PPARG: variants seen among roughly 807,000 people sequenced by gnomAD.
PPARG encodes peroxisome proliferator activated receptor gamma.
In PPARG, 17 loss-of-function variants were observed where a neutral mutation model predicts 39.2. That is an observed-to-expected ratio of 0.43 (90% CI 0.30 to 0.65). The LOEUF (loss-of-function observed/expected upper bound fraction) is 0.65. Ranked by LOEUF, PPARG falls within the 30% of genes least tolerant of loss-of-function variation. PPARG has a pLI of 0.13. For missense variants in PPARG, 406 were observed against 585.9 expected (o/e 0.69, Z 3.17); for synonymous variants, 223 against 215.7 (o/e 1.03, Z -0.30).
intron 1 of PPARG, among the ~76,000 whole-genome samples, chr3:12,289,368 T>C (rs2046591896): frequency 6.6e-6 from 1 of 152,202 alleles, no homozygotes; most frequent in Admixed American, 6.5e-5. Context: ...TTTTTCTTCT[T>C]TTCCTTGCAA....
intron 6 of PPARG, among the ~76,000 whole-genome samples, chr3:12,407,095 C>A (rs1191498155): frequency 6.6e-6 from 1 of 152,186 alleles, no homozygotes; most frequent in Admixed American, 6.5e-5. Context: ...TACCTGAATT[C>A]TAGTCCCAAT....
chr3:12,362,143 G>C (rs932811412), intron 2 of PPARG, among the ~76,000 whole-genome samples: 1 of 151,884 alleles, frequency 6.6e-6, no homozygotes, highest in Admixed American at 6.6e-5. Flanking sequence ...AAATATAATT[G>C]GTTTTTGAAT....
intron 6 of PPARG, among the ~76,000 whole-genome samples, chr3:12,411,311 A>G (rs2050872314): frequency 6.6e-6 from 1 of 152,078 alleles, no homozygotes; most frequent in African/African-American, 2.4e-5. Context: ...GTGCTAGTTC[A>G]TTAGCATGTG....
At chr3:12,375,673 G>A (rs113349134) in intron 2 of PPARG, among the ~76,000 whole-genome samples, 4 of 152,158 alleles carry the variant, frequency 2.6e-5, no homozygotes, top group African/African-American at 2.4e-5. Flanking sequence ...AGGTTTGGAC[G>A]AATTTTGAAA....
chr3:12,375,435 T>C (rs2049372884), intron 2 of PPARG, among the ~76,000 whole-genome samples: 5 of 152,240 alleles, frequency 3.3e-5, no homozygotes. Flanking sequence ...TACAAAAGCA[T>C]ATCCACTACC....
intron 5 of PPARG, 117 bp from the exon 6 acceptor site, chr3:12,405,765 A>G: frequency 9.9e-7 from 1 of 1,015,120 alleles, no homozygotes; most frequent in South Asian, 1.3e-5. Flanking sequence ...ACCAGGACTC[A>G]AGAGCAGTGG....
intron 5 of PPARG, among the ~76,000 whole-genome samples, chr3:12,394,425 C>G (rs1423587060): frequency 6.6e-6 from 1 of 152,076 alleles, no homozygotes; most frequent in Non-Finnish European, 1.5e-5. Context: ...TATTTAAACC[C>G]CAACCTATGT....
At chr3:12,405,505 C>CT (rs772027688) in intron 5 of PPARG, among the ~76,000 whole-genome samples, 1 of 152,138 alleles carries the variant, frequency 6.6e-6, no homozygotes, top group Non-Finnish European at 1.5e-5. Context: ...AGTGCCTGAC[C>CT]TTAGGTCAAG....
intron 2 of PPARG, among the ~76,000 whole-genome samples, chr3:12,323,162 A>T (rs1326814722): frequency 6.6e-6 from 1 of 152,194 alleles, no homozygotes; most frequent in Non-Finnish European, 1.5e-5. Flanking sequence ...AATAAAGAGG[A>T]TGAAAAAAGT....
intron 2 of PPARG, chr3:12,372,255 T>C: frequency 1.5e-6 from 1 of 686,618 alleles, no homozygotes; most frequent in South Asian, 1.6e-5. Flanking sequence ...TGTTAAATAA[T>C]TGTTTAATAT....
At chr3:12,356,748 A>T (rs1214949692) in intron 2 of PPARG, among the ~76,000 whole-genome samples, 2 of 152,082 alleles carry the variant, frequency 1.3e-5, no homozygotes, top group African/African-American at 4.8e-5. Context: ...GGCATATTTT[A>T]TATATTTTAC....
intron 2 of PPARG, among the ~76,000 whole-genome samples, chr3:12,342,795 G>T (rs537141525): frequency 1.2e-4 from 17 of 143,038 alleles, no homozygotes; most frequent in East Asian, 6.1e-4. Flanking sequence ...ATGAAAGGTG[G>T]TTTTTTTTTT....
chr3:12,343,256 G>C (rs1410604923), intron 2 of PPARG, among the ~76,000 whole-genome samples: 1 of 152,072 alleles, frequency 6.6e-6, no homozygotes, highest in Non-Finnish European at 1.5e-5. Context: ...GTTGAGTCTT[G>C]CCTTTCTTCA....
At chr3:12,404,499 T>C (rs932683295) in intron 5 of PPARG, among the ~76,000 whole-genome samples, 14 of 152,160 alleles carry the variant, frequency 9.2e-5, no homozygotes, top group African/African-American at 3.1e-4. Flanking sequence ...CTTAGCATAA[T>C]AACATATAAA....
intron 5 of PPARG, 45 bp from the exon 6 acceptor site, chr3:12,405,837 A>G (rs184520978): frequency 3.2e-4 from 508 of 1,573,530 alleles, no homozygotes; most frequent in Non-Finnish European, 4.0e-4. Context: ...TGTTCAGAGC[A>G]GTAGTAATCC....
intron 2 of PPARG, among the ~76,000 whole-genome samples, chr3:12,340,076 A>G (rs1487020035): frequency 1.3e-5 from 2 of 152,194 alleles, no homozygotes; most frequent in African/African-American, 4.8e-5. Flanking sequence ...AGATAACAAT[A>G]TACTTCCCCT....
intron 2 of PPARG, among the ~76,000 whole-genome samples, chr3:12,375,096 C>T (rs539524652): frequency 6.6e-6 from 1 of 152,212 alleles, no homozygotes; most frequent in South Asian, 2.1e-4. Context: ...TAATAAGAAG[C>T]ATGACTTTGG....
At position 12,429,552 on chromosome 3, in the gene PPARG, C is replaced by CAAAAA. The variant is rs753288907; in HGVS notation, c.1181-4329_1181-4325dup. ...GAAAATGTAGAGATTCTGTCTCTAC[C>CAAAAA]AAAAAAAAAAAAAAAAAAAAAGAAG... On this transcript the variant is annotated intron_variant, in intron 7 of 7. Transcript: ENST00000651735. Among the ~76,000 whole-genome samples, 828 of 99,498 alleles carry CAAAAA rather than the reference C, an allele frequency of 8.3e-3. 18 individuals carry two copies. The highest frequency in any genetic ancestry group is 0.031 in the African/African-American group (790 of 25,102). 65.3% of individuals were successfully genotyped at this position (99,498 alleles called of 152,430 possible). A position where few individuals can be genotyped will look rare whatever the true frequency, so the allele number is the denominator to read the frequency against.
At chr3:12,328,618 C>T (rs1384471192) in intron 2 of PPARG, among the ~76,000 whole-genome samples, 2 of 152,238 alleles carry the variant, frequency 1.3e-5, no homozygotes, top group Non-Finnish European at 2.9e-5. Flanking sequence ...CTGTCCCACT[C>T]TGCTAAGCCT....
Sources: gnomAD v4.1 joint callset for allele counts (sites outside exome capture counted in the v4.1 genomes callset) on GRCh38, gnomAD v4.1.1 for gene constraint, MANE v1.5 for transcripts, NCBI Gene and HGNC (gene_info 2026-07-23, HGNC 2026-07-21) for gene names.